Variants in KCNAB1 observed in about 807,000 individuals in gnomAD.
The protein encoded by KCNAB1 is potassium voltage-gated channel subfamily A regulatory beta subunit 1, also known as voltage-gated potassium channel subunit beta-1.
A neutral mutation model predicts 64.6 loss-of-function variants in KCNAB1; 35 were observed. The observed-to-expected ratio is 0.54, with a 90% CI of 0.41 to 0.72. The LOEUF (loss-of-function observed/expected upper bound fraction) is 0.72, where lower values mean the gene tolerates loss of function less well. Ranked by LOEUF, KCNAB1 falls within the 30% of genes least tolerant of loss-of-function variation. KCNAB1 has a pLI of 0.00. For synonymous variants in KCNAB1, 177 were observed against 183.8 expected (o/e 0.96, Z 0.30); for missense variants, 401 against 512.9 (o/e 0.78, Z 2.11).
At chr3:156,138,865 C>T (rs1300699642) in intron 1 of KCNAB1, among the ~76,000 whole-genome samples, 1 of 151,228 alleles carries the variant, frequency 6.6e-6, no homozygotes, top group Non-Finnish European at 1.5e-5. Context: ...TGCCCACCAC[C>T]CAGAGCTGCG....
intron 2 of KCNAB1, among the ~76,000 whole-genome samples, chr3:156,425,466 C>T (rs1484559586): frequency 6.6e-6 from 1 of 152,052 alleles, no homozygotes; most frequent in South Asian, 2.1e-4. Context: ...ATTATGTGGC[C>T]AATCCTACCT....
At chr3:156,120,501 G>T, upstream of KCNAB1, 1 of 1,236,236 alleles carries the variant, frequency 8.1e-7, no homozygotes. Flanking sequence ...GGCAGGATAA[G>T]GTTAAGAGAG....
intron 8 of KCNAB1, among the ~76,000 whole-genome samples, chr3:156,502,362 T>C (rs1716502373): frequency 6.6e-6 from 1 of 152,104 alleles, no homozygotes; most frequent in Non-Finnish European, 1.5e-5. Flanking sequence ...GTCCCTATAA[T>C]AGAGACTCCA....
At chr3:156,126,992 C>G (rs1560098573) in intron 1 of KCNAB1, among the ~76,000 whole-genome samples, 1 of 152,180 alleles carries the variant, frequency 6.6e-6, no homozygotes, top group African/African-American at 2.4e-5. Context: ...CCTCTCTTTT[C>G]TGGAGTGTAC....
At chr3:156,255,073 T>G (rs1718027937) in intron 1 of KCNAB1, among the ~76,000 whole-genome samples, 1 of 152,158 alleles carries the variant, frequency 6.6e-6, no homozygotes, top group Non-Finnish European at 1.5e-5. Context: ...TCTCACTGAT[T>G]TAGGGAGCAT....
intron 1 of KCNAB1, among the ~76,000 whole-genome samples, chr3:156,126,024 A>G (rs754422188): frequency 2.0e-5 from 3 of 152,214 alleles, no homozygotes; most frequent in Non-Finnish European, 4.4e-5. Context: ...AGTTGCTTGC[A>G]GCCTAGGAGT....
intron 1 of KCNAB1, among the ~76,000 whole-genome samples, chr3:156,243,445 C>G (rs1263893180): frequency 6.6e-6 from 1 of 151,982 alleles, no homozygotes; most frequent in Non-Finnish European, 1.5e-5. Context: ...TCAGGCTTAT[C>G]TTGAACTCCT....
rs993566200 is a variant in KCNAB1, at chr3:156,457,213, T to C, written c.358-240T>C. The C allele has an allele frequency of 6.1e-6, 8 of 1,305,442 alleles. No homozygotes were observed. The African/African-American group carries it at 9.0e-5, about 15-fold the overall frequency. The allele number at this position is 1,305,442 out of a possible 1,614,324, so 80.9% of individuals were successfully genotyped here. A position where few individuals can be genotyped will look rare whatever the true frequency, so the allele number is the denominator to read the frequency against. On this transcript the variant is annotated intron_variant, in intron 3 of 13. Coordinates refer to ENST00000490337, the MANE Select transcript of KCNAB1 (RefSeq NM_172160.3). The stretch of plus-strand genomic sequence containing the variant: ...GTGAGAAACACAAATCTATCCACTT[T>C]GGGCAGGCTAAATCCCAGCCTTCAA...
At chr3:156,143,518 T>C (rs1714835406) in intron 1 of KCNAB1, 1 of 807,318 alleles carries the variant, frequency 1.2e-6, no homozygotes, top group East Asian at 3.0e-5. Flanking sequence ...CAAAACCCTG[T>C]AAGAAAAAGA....
intron 2 of KCNAB1, among the ~76,000 whole-genome samples, chr3:156,448,170 T>A (rs145536222): frequency 2.0e-3 from 299 of 152,286 alleles, no homozygotes; most frequent in African/African-American, 6.9e-3. Context: ...GTTCAAAGAG[T>A]TATCTTTATA....
Position 156,474,233 on chromosome 3 carries a change from T to C in KCNAB1, c.572-501T>C, listed in dbSNP as rs977365743. ...ATTTGCTAACCCCTTTATATTACTA[T>C]TAAAACCAACATTTACATTAAGATG... On this transcript the variant is annotated intron_variant, in intron 7 of 13. Coordinates refer to ENST00000490337, the MANE Select transcript of KCNAB1 (RefSeq NM_172160.3). 2.6e-5 allele frequency among the ~76,000 whole-genome samples: 4 copies of C among 152,168 alleles called. No individual in the cohort carries two copies. The East Asian group carries it at 7.7e-4, about 29-fold the overall frequency.
chr3:156,176,104 C>T, intron 1 of KCNAB1: 1 of 767,878 alleles, frequency 1.3e-6, no homozygotes, highest in Non-Finnish European at 2.4e-6. Flanking sequence ...TATGTTTACA[C>T]ACCTCTCTTT....
intron 2 of KCNAB1, among the ~76,000 whole-genome samples, chr3:156,451,463 C>G (rs375410517): frequency 7.9e-5 from 12 of 152,198 alleles, no homozygotes; most frequent in African/African-American, 2.6e-4. Context: ...GAAGCCAGTC[C>G]GTTTGGGGAA....
rs967963559 is a variant in KCNAB1, at chr3:156,342,555, T to C, written c.276-79061T>C. On this transcript the variant is annotated intron_variant, in intron 1 of 13. Coordinates refer to ENST00000490337, the MANE Select transcript of KCNAB1 (RefSeq NM_172160.3). ...ACTGGCTGGAAATGGGGCTTGGACA[T>C]TGGAATTTTTGAAAGCTCCCTATGT... is the stretch of plus-strand genomic sequence containing the variant. 8.6e-5 allele frequency among the ~76,000 whole-genome samples: 13 copies of C among 151,464 alleles called. No homozygotes were observed. The South Asian group carries it at 1.5e-3, about 17-fold the overall frequency.
chr3:156,332,246 A>G (rs990407889), intron 1 of KCNAB1, among the ~76,000 whole-genome samples: 2 of 152,192 alleles, frequency 1.3e-5, no homozygotes, highest in African/African-American at 4.8e-5. Flanking sequence ...CATTAATGAA[A>G]GTTTACACAT....
chr3:156,424,245 A>G (rs1715667916), intron 2 of KCNAB1, among the ~76,000 whole-genome samples: 1 of 152,206 alleles, frequency 6.6e-6, no homozygotes, highest in Non-Finnish European at 1.5e-5. Context: ...TGGGTCAGCA[A>G]CTACAACATG....
At chr3:156,198,190 G>A (rs1291774234) in intron 1 of KCNAB1, among the ~76,000 whole-genome samples, 1 of 152,150 alleles carries the variant, frequency 6.6e-6, no homozygotes, top group Non-Finnish European at 1.5e-5. Flanking sequence ...CATTTGCTGA[G>A]GAATGTTTTA....
At chr3:156,321,205 G>A (rs1382937877) in intron 1 of KCNAB1, among the ~76,000 whole-genome samples, 3 of 152,126 alleles carry the variant, frequency 2.0e-5, no homozygotes, top group South Asian at 4.1e-4. Context: ...AAATGTTTCT[G>A]TGCTGGGCAT....
At chr3:156,270,220 CT>C (rs1387188397) in intron 1 of KCNAB1, among the ~76,000 whole-genome samples, 3 of 152,196 alleles carry the variant, frequency 2.0e-5, no homozygotes, top group African/African-American at 7.2e-5. Context: ...CCGGCCATAT[CT>C]TTTTTAATCC....
Sources: allele counts gnomAD v4.1 joint callset (sites outside exome capture counted in the v4.1 genomes callset), GRCh38; gene constraint gnomAD v4.1.1; transcripts MANE v1.5; gene names NCBI Gene and HGNC (gene_info 2026-07-23, HGNC 2026-07-21).